The following EHD1 variants were observed in gnomAD, a reference collection of about 807,000 sequenced individuals.
EHD1 encodes EH domain-containing protein 1.
EHD1 carries 19 observed loss-of-function variants against 39.0 expected under a neutral mutation model. That is an observed-to-expected ratio of 0.49 (90% CI 0.34 to 0.72). The LOEUF (loss-of-function observed/expected upper bound fraction) is 0.72. EHD1 is among the 30% of genes least tolerant of loss of function. EHD1 has a pLI of 0.01. For synonymous variants in EHD1, 323 were observed against 331.2 expected, an observed-to-expected ratio of 0.98 and a Z score of 0.27; for missense variants, 542 against 751.5, an observed-to-expected ratio of 0.72 and a Z score of 3.26.
Position 64,860,461 on chromosome 11 carries a change from G to A in EHD1, c.503-125C>T, listed in dbSNP as rs113074454. The A allele has an allele frequency of 2.4e-3, 3,276 of 1,340,848 alleles. 64 individuals are homozygous for A. In the African/African-American group the frequency reaches 0.04, roughly 16 times the overall value. 83.1% of individuals were successfully genotyped at this position (1,340,848 alleles called of 1,614,324 possible). ...TTTTTAAAATTCCTATAGGCCGGGCGTGGTGGCTCACGCCTGTAATCCCAA... is the reference window on the plus strand; with the variant it reads ...TTTTTAAAATTCCTATAGGCCGGGCATGGTGGCTCACGCCTGTAATCCCAA... On this transcript the variant is annotated intron_variant, in intron 2 of 4. Coordinates refer to ENST00000320631, the MANE Select transcript of EHD1 (RefSeq NM_006795.4).
intron 1 of EHD1, among the ~76,000 whole-genome samples, chr11:64,877,004 AGGAATGTGACCGTGCAGG>A (rs1351469827): frequency 6.6e-6 from 1 of 152,236 alleles, no homozygotes; most frequent in Non-Finnish European, 1.5e-5. Context: ...GCGTCTGGAA[AGGAATGTGACCGTGCAGG>A]GCGGGGACCT....
At chr11:64,870,687 C>T (rs1281936467) in intron 2 of EHD1, among the ~76,000 whole-genome samples, 1 of 152,230 alleles carries the variant, frequency 6.6e-6, no homozygotes, top group East Asian at 1.9e-4. Context: ...ACAGAGGCCC[C>T]GCCGGGGGAT....
chr11:64,860,028 A>C lies in EHD1; in HGVS notation c.811T>G (p.Phe271Val). ...AAGAGGTCCTGCTCCTCGGCCTCAA[A>C]GAGCTTGCGGTTGTCGGGGATGAGG... ...PLLIPDNRKL[F>V]EAEEQDLFKD... The change falls in exon 3 of 5, where the codon TTT becomes GTT. Residue 271 changes from phenylalanine (F) to valine (V), a missense_variant. Physicochemically the swap from Phe to Val is conservative, Grantham distance 50 (BLOSUM62 -1). Coordinates refer to ENST00000320631, the MANE Select transcript of EHD1 (RefSeq NM_006795.4). 6.2e-7 allele frequency: 1 copy of C among 1,614,096 alleles called. No homozygotes were observed. The highest frequency in any genetic ancestry group is 8.5e-7 in the Non-Finnish European group (1 of 1,180,028).
chr11:64,879,045 C>T, upstream of EHD1: 2 of 999,590 alleles, frequency 2.0e-6, no homozygotes, highest in Non-Finnish European at 2.4e-6. Context: ...ACGTGCGGTC[C>T]TCCAGCTGGC....
chr11:64,860,078 A>G lies in EHD1; in HGVS notation c.761T>C (p.Ile254Thr). ...INTPEVVRVY[I>T]GSFWSHPLLI... ...GAGCGGGTGGGACCAGAAGGAGCCG[A>G]TGTAGACCCTGACCACCTCGGGGGT... is the stretch of plus-strand genomic sequence containing the variant. Residue 254 changes from isoleucine to threonine, a missense_variant, in exon 3 of 5, where the codon ATC becomes ACC. Physicochemically the swap from Ile to Thr is moderately conservative, Grantham distance 89. Coordinates refer to ENST00000320631, the MANE Select transcript of EHD1 (RefSeq NM_006795.4). 1.2e-6 allele frequency: 2 copies of G among 1,614,116 alleles called. No homozygotes were observed. The highest frequency in any genetic ancestry group is 8.5e-7 in the Non-Finnish European group (1 of 1,180,022).
rs1346923378 is a variant in EHD1 at position 64,852,260 on chromosome 11, C to T, written c.*2073G>A. 1 of 152,288 alleles carries T rather than the reference C, an allele frequency of 6.6e-6. No homozygotes were observed. Among genetic ancestry groups the T allele is most frequent in the East Asian group, 1.9e-4 (1 of 5,196 alleles). 9.4% of individuals were successfully genotyped at this position (152,288 alleles called of 1,614,324 possible). A position where few individuals can be genotyped will look rare whatever the true frequency, so the allele number is the denominator to read the frequency against. ...CCCACCCTTAGTTGCATGTTTGTCA[C>T]AGGCTATCTGCTTTGTCTTCAGAGG... is the stretch of plus-strand genomic sequence containing the variant. On this transcript the variant is annotated 3_prime_UTR_variant, in exon 5 of 5. Transcript: ENST00000320631.
intron 3 of EHD1, 85 bp downstream of exon 3, chr11:64,859,839 G>T: frequency 6.6e-7 from 1 of 1,507,912 alleles, no homozygotes; most frequent in Non-Finnish European, 8.9e-7. Context: ...GAAGGGTCTC[G>T]GGCAATCCTG....
At chr11:64,872,448 G>T (rs1272119690) in intron 2 of EHD1, among the ~76,000 whole-genome samples, 1 of 152,136 alleles carries the variant, frequency 6.6e-6, no homozygotes, top group Admixed American at 6.6e-5. Context: ...GCGATAGAGC[G>T]ACACTCTGTC....
chr11:64,858,477 C>G (rs932526852), intron 3 of EHD1, among the ~76,000 whole-genome samples: 1 of 152,196 alleles, frequency 6.6e-6, no homozygotes, highest in African/African-American at 2.4e-5. Context: ...GATGAGCCAC[C>G]ATGCCTGGCT....
chr11:64,879,652 C>T, upstream of EHD1: 2 of 1,551,014 alleles, frequency 1.3e-6, no homozygotes, highest in Non-Finnish European at 1.7e-6. Context: ...CCCCGCCATC[C>T]TCCCCGGCCA....
At chr11:64,857,300 T>G (rs1419464978) in intron 3 of EHD1, among the ~76,000 whole-genome samples, 1 of 152,084 alleles carries the variant, frequency 6.6e-6, no homozygotes, top group Non-Finnish European at 1.5e-5. Flanking sequence ...GACGGGCGCC[T>G]GCAATCCCAG....
chr11:64,867,388 C>A (rs950792784), intron 2 of EHD1, among the ~76,000 whole-genome samples: 1 of 150,424 alleles, frequency 6.6e-6, no homozygotes, highest in South Asian at 2.1e-4. Context: ...CACTGCATTT[C>A]GGCCTGGGCA....
At chr11:64,864,587 G>A (rs1250592094) in intron 2 of EHD1, among the ~76,000 whole-genome samples, 1 of 152,208 alleles carries the variant, frequency 6.6e-6, no homozygotes, top group African/African-American at 2.4e-5. Context: ...AGCCTTTTAT[G>A]GCCAGCTCTG....
chr11:64,857,376 A>G (rs886951949), intron 3 of EHD1, among the ~76,000 whole-genome samples: 1 of 152,180 alleles, frequency 6.6e-6, no homozygotes, highest in Admixed American at 6.5e-5. Context: ...GTGAGCCGAG[A>G]TTGCGCCACT....
chr11:64,879,132 C>G (rs1266819452), upstream of EHD1: 1 of 1,005,098 alleles, frequency 9.9e-7, no homozygotes, highest in African/African-American at 1.7e-5. Flanking sequence ...CAGACACACA[C>G]TGTCTTTGTC....
chr11:64,867,776 G>C (rs764554259), intron 2 of EHD1, among the ~76,000 whole-genome samples: 1 of 152,236 alleles, frequency 6.6e-6, no homozygotes, highest in African/African-American at 2.4e-5. Flanking sequence ...TATGTTAGGT[G>C]TATTTTATCA....
intron 2 of EHD1, among the ~76,000 whole-genome samples, chr11:64,873,037 C>G (rs1185012979): frequency 2.6e-5 from 4 of 152,232 alleles, no homozygotes; most frequent in Non-Finnish European, 5.9e-5. Context: ...CCTCACCTGC[C>G]AGGTACCAGC....
At chr11:64,855,537 G>A (rs370769830) in intron 3 of EHD1, 51 bp from the exon 4 acceptor site, 368 of 1,606,910 alleles carry the variant, frequency 2.3e-4, no homozygotes, top group African/African-American at 2.8e-4. Flanking sequence ...GGCTGCCCCC[G>A]AGAGCAGAGC....
At chr11:64,869,681 C>G (rs77694616) in intron 2 of EHD1, among the ~76,000 whole-genome samples, 1 of 152,220 alleles carries the variant, frequency 6.6e-6, no homozygotes, top group Admixed American at 6.5e-5. Flanking sequence ...CAAGTACTAA[C>G]GTGGGACTTG....
Sources: gnomAD v4.1 joint callset for allele counts (sites outside exome capture counted in the v4.1 genomes callset) on GRCh38, gnomAD v4.1.1 for gene constraint, MANE v1.5 for transcripts, NCBI Gene and HGNC (gene_info 2026-07-23, HGNC 2026-07-21) for gene names.